The following ATP11B variants were observed in gnomAD, a reference collection of about 807,000 sequenced individuals.
ATP11B encodes phospholipid-transporting ATPase IF.
Under a neutral mutation model 157.8 loss-of-function variants are expected in ATP11B, and 81 were observed. The observed-to-expected ratio is 0.51, with a 90% CI of 0.43 to 0.62. The LOEUF is 0.62. Among genes scored for constraint, ATP11B ranks in the 20% least tolerant of loss-of-function variants. The pLI is 0.00. For missense variants in ATP11B, 1,165 were observed against 1,402.2 expected, an observed-to-expected ratio of 0.83 and a Z score of 2.70; for synonymous variants, 451 against 469.4, an observed-to-expected ratio of 0.96 and a Z score of 0.51.
In ATP11B at chr3:182,919,017, G is replaced by A. The variant is rs569985454; in HGVS notation, c.*913G>A. 2 of 151,794 alleles carry A rather than the reference G, an allele frequency of 1.3e-5. No homozygotes were observed. The highest frequency in any genetic ancestry group is 2.1e-4 in the South Asian group (1 of 4,816). The allele number at this position is 151,794 out of a possible 1,614,324, so 9.4% of individuals were successfully genotyped here. The stretch of plus-strand genomic sequence containing the variant: ...TCTGTGTATAGTATTTCATGACATC[G>A]TTGTACAGTTTAACTATATCAATAA... On this transcript the variant is annotated 3_prime_UTR_variant, in exon 30 of 30. Transcript: ENST00000323116.
chr3:182,852,481 T>C (rs1720057292), intron 10 of ATP11B, among the ~76,000 whole-genome samples: 1 of 152,202 alleles, frequency 6.6e-6, no homozygotes. Context: ...ACAATTTAGA[T>C]GAAATGGGCA....
At chr3:182,800,663 CT>C (rs1212487236) in intron 1 of ATP11B, among the ~76,000 whole-genome samples, 1 of 152,134 alleles carries the variant, frequency 6.6e-6, no homozygotes, top group African/African-American at 2.4e-5. Flanking sequence ...CTGTTTGACT[CT>C]TGGGTGTGCT....
intron 12 of ATP11B, among the ~76,000 whole-genome samples, chr3:182,862,199 G>A (rs963486147): frequency 6.6e-6 from 1 of 152,102 alleles, no homozygotes; most frequent in South Asian, 2.1e-4. Flanking sequence ...AGAATCACTT[G>A]AGCCCAGGAG....
intron 3 of ATP11B, among the ~76,000 whole-genome samples, chr3:182,829,417 T>C (rs577608072): frequency 6.6e-6 from 1 of 152,254 alleles, no homozygotes; most frequent in South Asian, 2.1e-4. Flanking sequence ...GAGATCTGAG[T>C]AGCTGTAGTT....
intron 12 of ATP11B, among the ~76,000 whole-genome samples, chr3:182,860,006 G>T (rs1307663821): frequency 1.3e-5 from 2 of 150,798 alleles, no homozygotes; most frequent in African/African-American, 4.9e-5. Flanking sequence ...GCTCCGATTG[G>T]ATTATTCTTT....
chr3:182,823,217 A>C (rs1209296651), intron 2 of ATP11B, among the ~76,000 whole-genome samples: 1 of 152,160 alleles, frequency 6.6e-6, no homozygotes. Flanking sequence ...GGGATTGCCT[A>C]GGTTTTCTTC....
At chr3:182,917,226 TTG>T in intron 29 of ATP11B, 1 of 985,384 alleles carries the variant, frequency 1.0e-6, no homozygotes, top group Non-Finnish European at 1.2e-6. Flanking sequence ...AATGTATTTA[TTG>T]TTAAATGTGT....
At chr3:182,834,089 TA>T (rs1718359176) in intron 4 of ATP11B, among the ~76,000 whole-genome samples, 1 of 152,168 alleles carries the variant, frequency 6.6e-6, no homozygotes, top group Non-Finnish European at 1.5e-5. Context: ...GAGCTTGTAT[TA>T]AAAAAAGATG....
At chr3:182,818,944 A>G (rs1375295692) in intron 1 of ATP11B, among the ~76,000 whole-genome samples, 1 of 151,494 alleles carries the variant, frequency 6.6e-6, no homozygotes, top group African/African-American at 2.4e-5. Flanking sequence ...AAAAAAGAAA[A>G]AAACCTAAGG....
chr3:182,801,053 C>A (rs1055262077), intron 1 of ATP11B, among the ~76,000 whole-genome samples: 5 of 152,146 alleles, frequency 3.3e-5, no homozygotes, highest in African/African-American at 1.2e-4. Flanking sequence ...CAATCCACTT[C>A]GGCCTCCCAG....
intron 1 of ATP11B, among the ~76,000 whole-genome samples, chr3:182,813,578 G>C (rs954864217): frequency 6.6e-6 from 1 of 151,914 alleles, no homozygotes. Context: ...ACATATCTAG[G>C]AACACCAGAA....
At chr3:182,901,215 T>G (rs1723937083) in intron 28 of ATP11B, among the ~76,000 whole-genome samples, 1 of 150,960 alleles carries the variant, frequency 6.6e-6, no homozygotes. Context: ...GTAAAAAAAT[T>G]AGCTGGGCAT....
chr3:182,917,459 G>A (rs993022512), intron 29 of ATP11B: 1 of 985,262 alleles, frequency 1.0e-6, no homozygotes, highest in Admixed American at 6.2e-5. Flanking sequence ...CAGACCAGTA[G>A]AGGATCGTTT....
At chr3:182,800,956 T>C (rs1424803494) in intron 1 of ATP11B, among the ~76,000 whole-genome samples, 1 of 125,614 alleles carries the variant, frequency 8.0e-6, no homozygotes, top group Admixed American at 1.0e-4. Flanking sequence ...CGTCCCACCA[T>C]GCCCAACGGA....
At chr3:182,898,919 T>C (rs1723755336) in intron 28 of ATP11B, 147 bp downstream of exon 28, 2 of 504,244 alleles carry the variant, frequency 4.0e-6, no homozygotes, top group African/African-American at 4.0e-5. Flanking sequence ...TTGTTCAGTG[T>C]GATATTTTTG....
chr3:182,912,063 C>CA (rs1347361046), intron 28 of ATP11B, among the ~76,000 whole-genome samples: 2 of 152,060 alleles, frequency 1.3e-5, no homozygotes, highest in Non-Finnish European at 2.9e-5. Context: ...TTCAAGGCTT[C>CA]ATGCGGTGTG....
intron 29 of ATP11B, chr3:182,915,710 C>T: frequency 3.0e-6 from 3 of 984,336 alleles, no homozygotes; most frequent in Non-Finnish European, 3.6e-6. Flanking sequence ...TGGTAATATG[C>T]CCCCATTATT....
chr3:182,854,752 T>TAC lies in ATP11B; in HGVS notation c.852-3079_852-3078dup, dbSNP rs71183649. Among the ~76,000 whole-genome samples the TAC allele has an allele frequency of 3.0e-3, 434 of 145,944 alleles. 3 individuals carry two copies. Among genetic ancestry groups the TAC allele is most frequent in the East Asian group, 0.016 (78 of 4,800 alleles). ...TATATAATATATATGTGCATGTGTT[T>TAC]ACACACACACACACACACACACACA... On this transcript the variant is annotated intron_variant, in intron 10 of 29. Transcript: ENST00000323116.
chr3:182,819,171 G>T (rs1717162028), intron 1 of ATP11B, among the ~76,000 whole-genome samples: 1 of 150,950 alleles, frequency 6.6e-6, no homozygotes, highest in South Asian at 2.1e-4. Flanking sequence ...CCGCCTCCCG[G>T]GTTCCCGCCA....
Sources: allele counts gnomAD v4.1 joint callset (sites outside exome capture counted in the v4.1 genomes callset), GRCh38; gene constraint gnomAD v4.1.1; transcripts MANE v1.5; gene names NCBI Gene and HGNC (gene_info 2026-07-23, HGNC 2026-07-21).